The following TMEM131 variants were observed in gnomAD, a reference collection of about 807,000 sequenced individuals.
TMEM131 encodes 2610524E03Rik.
Under a neutral mutation model 211.6 loss-of-function variants are expected in TMEM131, and 66 were observed. That is an observed-to-expected ratio of 0.31 (90% CI 0.26 to 0.38). TMEM131 has a LOEUF of 0.38. Among genes scored for constraint, TMEM131 ranks in the 10% least tolerant of loss-of-function variants. The pLI is 1.00. For synonymous variants in TMEM131, 844 were observed against 841.3 expected (o/e 1.00, Z -0.06); for missense variants, 2,036 against 2,299.3 (o/e 0.89, Z 2.34).
intron 12 of TMEM131, among the ~76,000 whole-genome samples, chr2:97,815,750 A>G (rs936456846): frequency 6.6e-5 from 10 of 152,176 alleles, no homozygotes; most frequent in Non-Finnish European, 8.8e-5. Flanking sequence ...TGCAGCTGTG[A>G]CTACCAAAAT....
chr2:97,801,985 T>C, intron 24 of TMEM131, 24 bp from the exon 25 acceptor site: 1 of 1,533,566 alleles, frequency 6.5e-7, no homozygotes, highest in South Asian at 1.1e-5. Flanking sequence ...TGTACACATA[T>C]TTATTCATAA....
At position 97,908,153 on chromosome 2, in the gene TMEM131, T is replaced by C. The variant is rs528551984; in HGVS notation, c.290+505A>G. On this transcript the variant is annotated intron_variant, in intron 3 of 40. Coordinates refer to ENST00000186436, the MANE Select transcript of TMEM131 (RefSeq NM_015348.2). ...TGGTTGTGAGGAGGCAGGAAAAGTG[T>C]CTCCAAATTCACATGCATGTACCTA... 2.6e-5 allele frequency among the ~76,000 whole-genome samples: 4 copies of C among 152,132 alleles called. No individual in the cohort carries two copies. In the South Asian group the frequency reaches 8.3e-4, roughly 32 times the overall value.
chr2:97,845,310 C>T (rs140247038), intron 5 of TMEM131, among the ~76,000 whole-genome samples: 423 of 152,054 alleles, frequency 2.8e-3, no homozygotes, highest in South Asian at 0.013. Context: ...GCTAGAAATG[C>T]AGCTAACATG....
intron 7 of TMEM131, among the ~76,000 whole-genome samples, chr2:97,840,964 G>C (rs1559394057): frequency 6.6e-6 from 1 of 152,168 alleles, no homozygotes; most frequent in Admixed American, 6.5e-5. Context: ...AGTTATACCA[G>C]GGTGGTCTGG....
chr2:97,901,585 T>C (rs1032635483), intron 3 of TMEM131, among the ~76,000 whole-genome samples: 17 of 152,146 alleles, frequency 1.1e-4, no homozygotes, highest in African/African-American at 3.9e-4. Flanking sequence ...TTAAACACAA[T>C]GGAATATTAT....
At chr2:97,870,730 GAC>G (rs1376918351) in intron 4 of TMEM131, among the ~76,000 whole-genome samples, 2 of 152,236 alleles carry the variant, frequency 1.3e-5, no homozygotes, top group East Asian at 3.8e-4. Flanking sequence ...CCTTATGAAT[GAC>G]AGTGACACAG....
chr2:97,917,904 C>T (rs139669961), intron 2 of TMEM131, among the ~76,000 whole-genome samples: 1 of 152,144 alleles, frequency 6.6e-6, no homozygotes, highest in African/African-American at 2.4e-5. Flanking sequence ...GGTGGGTTGG[C>T]TCAAAGCCCA....
At chr2:97,932,038 G>C (rs1001018301) in intron 1 of TMEM131, among the ~76,000 whole-genome samples, 1 of 151,768 alleles carries the variant, frequency 6.6e-6, no homozygotes, top group Non-Finnish European at 1.5e-5. Flanking sequence ...AGAAATTCTG[G>C]TTAGGATAAT....
At chr2:97,993,046 T>C (rs1334713489) in intron 1 of TMEM131, among the ~76,000 whole-genome samples, 2 of 152,140 alleles carry the variant, frequency 1.3e-5, no homozygotes, top group African/African-American at 2.4e-5. Flanking sequence ...CAACATCAAG[T>C]CCAAACATGA....
chr2:97,814,020 T>C lies in TMEM131; in HGVS notation c.1568A>G (p.Asn523Ser), dbSNP rs1461984583. The change falls in exon 15 of 41, where the codon AAT becomes AGT. Residue 523 changes from asparagine to serine, a missense_variant. This residue lies in a region of TMEM131 where 1,623 missense variants were observed against 1,805.9 expected (regional missense o/e 0.90). Transcript: ENST00000186436. ...HIDNNILLIT[N>S]ASKFHLPVRV... ...CACGGGTAAATGAAATTTAGAAGCA[T>C]TGGTAATAAGTAAAATGTTGTTATC... is the stretch of plus-strand genomic sequence containing the variant. 5.6e-6 allele frequency: 9 copies of C among 1,600,506 alleles called. No homozygotes were observed. The highest frequency in any genetic ancestry group is 5.4e-5 in the African/African-American group (4 of 74,698).
intron 4 of TMEM131, among the ~76,000 whole-genome samples, chr2:97,878,372 A>G (rs1674782824): frequency 6.6e-6 from 1 of 152,210 alleles, no homozygotes; most frequent in Admixed American, 6.5e-5. Flanking sequence ...AGGACTATAA[A>G]TCATTCTACT....
chr2:97,813,818 T>C (rs1284620510), intron 15 of TMEM131, among the ~76,000 whole-genome samples, 153 bp downstream of exon 15: 1 of 152,160 alleles, frequency 6.6e-6, no homozygotes, highest in Non-Finnish European at 1.5e-5. Flanking sequence ...TAAAAACTAG[T>C]TACCTGGAAA....
rs1351754614 is a variant in TMEM131, at chr2:97,841,831, T to G, written c.707A>C (p.His236Pro). 1.3e-6 allele frequency: 2 copies of G among 1,597,364 alleles called. No individual in the cohort carries two copies. Among genetic ancestry groups the G allele is most frequent in the Admixed American group, 1.7e-5 (1 of 57,952 alleles). Residue 236 changes from histidine (H) to proline (P), a missense_variant, in exon 7 of 41, where the codon CAC (histidine) becomes CCC (proline). This residue lies in a region of TMEM131 where 277 missense variants were observed against 378.0 expected (regional missense o/e 0.73). Transcript: ENST00000186436. ...FSPIINIHNP[H>P]SEPLQVVEMY... ...TAAACTCACCTGTAAAGGCTCACTGTGAGGATTGTGGATGTTTATTATAGG... is the reference window on the plus strand; with the variant it reads ...TAAACTCACCTGTAAAGGCTCACTGGGAGGATTGTGGATGTTTATTATAGG...
chr2:97,859,380 C>T lies in TMEM131; in HGVS notation c.407G>A (p.Ser136Asn). Residue 136 changes from serine to asparagine, a missense_variant, in exon 5 of 41, where the codon AGT (serine) becomes AAT (asparagine). Coordinates refer to ENST00000186436, the MANE Select transcript of TMEM131 (RefSeq NM_015348.2). The part of the protein sequence containing the change: ...KMEKVYLHNP[S>N]SEETITLVSI... ...TACTAAAGTAATCGTTTCTTCAGAA[C>T]TAGGATTATGTAAGTAGACTTTTTC... The T allele has an allele frequency of 6.3e-7, 1 of 1,598,916 alleles. No homozygotes were observed. The highest frequency in any genetic ancestry group is 8.5e-7 in the Non-Finnish European group (1 of 1,175,550).
chr2:97,950,646 T>A (rs1678269584), intron 1 of TMEM131, among the ~76,000 whole-genome samples: 1 of 152,132 alleles, frequency 6.6e-6, no homozygotes, highest in Admixed American at 6.5e-5. Context: ...TTTTTTTTTT[T>A]AATTACGGGT....
rs191021716 is a variant in TMEM131 at position 97,824,791 on chromosome 2, G to T, written c.1075-6070C>A. ...GCCTGAAGCTCATAAAGGATTACAG[G>T]ATATTGTTAAACATTTAAAAGCTCA... On this transcript the variant is annotated intron_variant, in intron 11 of 40. Coordinates refer to ENST00000186436, the MANE Select transcript of TMEM131 (RefSeq NM_015348.2). Among the ~76,000 whole-genome samples, 172 of 152,282 alleles carry T rather than the reference G, an allele frequency of 1.1e-3. 2 individuals are homozygous for T. Among genetic ancestry groups the T allele is most frequent in the Non-Finnish European group, 8.8e-5 (6 of 68,024 alleles).
intron 4 of TMEM131, among the ~76,000 whole-genome samples, chr2:97,872,424 T>G (rs537528242): frequency 6.6e-5 from 10 of 152,066 alleles, no homozygotes; most frequent in Non-Finnish European, 1.5e-4. Context: ...GTTCCAATCA[T>G]GCAAACCCAC....
chr2:97,940,265 T>C lies in TMEM131; in HGVS notation c.188-12778A>G, dbSNP rs1677656129. ...TTTGCAGATGACATGATTGTGTATT[T>C]AGAAAACCCCATCATCTCAGCCCCA... On this transcript the variant is annotated intron_variant, in intron 1 of 40. Transcript: ENST00000186436. Among the ~76,000 whole-genome samples, 3 of 152,140 alleles carry C rather than the reference T, an allele frequency of 2.0e-5. No homozygotes were observed. In the South Asian group the frequency reaches 6.2e-4, roughly 32 times the overall value.
At chr2:97,896,636 A>G (rs1675624264) in intron 3 of TMEM131, among the ~76,000 whole-genome samples, 1 of 151,724 alleles carries the variant, frequency 6.6e-6, no homozygotes, top group Non-Finnish European at 1.5e-5. Context: ...GTCTCTTTTG[A>G]TCTTTGTTGG....
Sources: allele counts gnomAD v4.1 joint callset (sites outside exome capture counted in the v4.1 genomes callset), GRCh38; gene constraint gnomAD v4.1.1; regional missense constraint gnomAD v4.1.1; transcripts MANE v1.5; gene names NCBI Gene and HGNC (gene_info 2026-07-23, HGNC 2026-07-21).